The following IL1RAPL1 variants were observed in gnomAD, a reference collection of about 807,000 sequenced individuals.
The protein encoded by IL1RAPL1 is interleukin 1 receptor accessory protein like 1, also known as interleukin-1 receptor accessory protein-like 1.
In IL1RAPL1, 3 loss-of-function variants were observed where a neutral mutation model predicts 48.4. That is an observed-to-expected ratio of 0.06 (90% CI 0.03 to 0.16). The LOEUF (loss-of-function observed/expected upper bound fraction) is 0.16, where lower values mean the gene tolerates loss of function less well. IL1RAPL1 is among the 10% of genes least tolerant of loss of function. The pLI, the probability that IL1RAPL1 is intolerant of heterozygous loss-of-function variation, is 1.00. For synonymous variants in IL1RAPL1, 185 were observed against 187.7 expected (o/e 0.99, Z 0.12); for missense variants, 349 against 530.6 (o/e 0.66, Z 3.36).
At chrX:29,900,791 G>T (rs1207383226) in intron 6 of IL1RAPL1, among the ~76,000 whole-genome samples, 1 of 111,535 alleles carries the variant, frequency 9.0e-6, no homozygotes, top group Non-Finnish European at 1.9e-5. Flanking sequence ...CAAATTAGTG[G>T]GTATATGGCC....
intron 8 of IL1RAPL1, among the ~76,000 whole-genome samples, chrX:29,931,706 G>A (rs910711903): frequency 1.1e-4 from 12 of 112,044 alleles, no homozygotes; most frequent in Non-Finnish European, 2.3e-4. Context: ...GGTTATCTAG[G>A]CAGTCCAGAT....
At chrX:28,809,717 C>T (rs1458876122) in intron 2 of IL1RAPL1, among the ~76,000 whole-genome samples, 1 of 109,905 alleles carries the variant, frequency 9.1e-6, no homozygotes, top group Non-Finnish European at 1.9e-5. Flanking sequence ...GCATTTTATT[C>T]TCAGTGTAAT....
chrX:28,802,070 T>A (rs1248378055), intron 2 of IL1RAPL1, among the ~76,000 whole-genome samples: 1 of 112,097 alleles, frequency 8.9e-6, no homozygotes, highest in Non-Finnish European at 1.9e-5. Flanking sequence ...TTTAACTTTG[T>A]GCTATACAGT....
chrX:29,048,344 A>G (rs1009909089), intron 2 of IL1RAPL1, among the ~76,000 whole-genome samples: 1 of 111,893 alleles, frequency 8.9e-6, no homozygotes, highest in South Asian at 3.7e-4. Context: ...TTAGTGTTCT[A>G]TGCCAAAACT....
chrX:28,697,339 G>A (rs1439481770), intron 1 of IL1RAPL1, among the ~76,000 whole-genome samples: 1 of 110,139 alleles, frequency 9.1e-6, no homozygotes. Flanking sequence ...TTTTAATGAT[G>A]TTTTCCATAA....
chrX:29,378,327 A>G (rs73212187), intron 3 of IL1RAPL1, among the ~76,000 whole-genome samples: 7 of 112,188 alleles, frequency 6.2e-5, no homozygotes, highest in Non-Finnish European at 1.3e-4. Context: ...CCTGAATCTC[A>G]ATGAGCTTCC....
chrX:28,730,907 C>T (rs1935746980), intron 1 of IL1RAPL1, among the ~76,000 whole-genome samples: 1 of 111,589 alleles, frequency 9.0e-6, no homozygotes, highest in South Asian at 3.8e-4. Flanking sequence ...ATGAATGTGC[C>T]AGACTCTACG....
At chrX:28,893,517 G>T (rs757519017) in intron 2 of IL1RAPL1, among the ~76,000 whole-genome samples, 2 of 111,625 alleles carry the variant, frequency 1.8e-5, no homozygotes, top group South Asian at 3.8e-4. Flanking sequence ...TAACTATCCA[G>T]TGAAAGTGTC....
At chrX:28,764,729 T>C (rs1381591642) in intron 1 of IL1RAPL1, among the ~76,000 whole-genome samples, 3 of 111,375 alleles carry the variant, frequency 2.7e-5, no homozygotes, top group African/African-American at 6.5e-5. Flanking sequence ...CTTTTTTGCA[T>C]TGTATTTTAG....
At chrX:28,641,875 C>T (rs1006289595) in intron 1 of IL1RAPL1, among the ~76,000 whole-genome samples, 7 of 110,519 alleles carry the variant, frequency 6.3e-5, no homozygotes, top group Non-Finnish European at 9.5e-5. Flanking sequence ...TCTTCTTTTG[C>T]GAAGTGTCTG....
intron 1 of IL1RAPL1, among the ~76,000 whole-genome samples, chrX:28,606,356 T>A (rs1934082764): frequency 8.9e-6 from 1 of 112,310 alleles, no homozygotes; most frequent in African/African-American, 3.2e-5. Flanking sequence ...AAGTGTCTCA[T>A]GGCGTAAACA....
chrX:28,642,815 G>T (rs1934562660), intron 1 of IL1RAPL1, among the ~76,000 whole-genome samples: 1 of 110,681 alleles, frequency 9.0e-6, no homozygotes, highest in South Asian at 3.8e-4. Context: ...GATCAGAGGA[G>T]AACTGAAGGA....
chrX:29,549,544 C>T (rs1375538703), intron 5 of IL1RAPL1, among the ~76,000 whole-genome samples: 1 of 111,659 alleles, frequency 9.0e-6, no homozygotes, highest in Non-Finnish European at 1.9e-5. Context: ...ATATAGGCTT[C>T]AATACTGTCT....
intron 5 of IL1RAPL1, among the ~76,000 whole-genome samples, chrX:29,444,960 C>G (rs1042582747): frequency 8.9e-6 from 1 of 112,101 alleles, no homozygotes; most frequent in Non-Finnish European, 1.9e-5. Flanking sequence ...TCACCATGAA[C>G]ATTAATTGGG....
chrX:29,443,914 C>A (rs1399523391), intron 5 of IL1RAPL1, among the ~76,000 whole-genome samples: 1 of 112,089 alleles, frequency 8.9e-6, no homozygotes, highest in African/African-American at 3.2e-5. Context: ...TACAGAAGTA[C>A]CTTTTATGTC....
chrX:29,136,926 ACATAAGAGC>A (rs1352282347), intron 2 of IL1RAPL1, among the ~76,000 whole-genome samples: 1 of 111,489 alleles, frequency 9.0e-6, no homozygotes, highest in African/African-American at 3.3e-5. Flanking sequence ...ATGTACTTTC[ACATAAGAGC>A]CTGTCTTTTG....
chrX:29,050,859 A>G (rs752471799), intron 2 of IL1RAPL1, among the ~76,000 whole-genome samples: 1 of 112,412 alleles, frequency 8.9e-6, no homozygotes, highest in South Asian at 3.7e-4. Flanking sequence ...AAAGCAATCC[A>G]TGTACAAAGG....
intron 2 of IL1RAPL1, among the ~76,000 whole-genome samples, chrX:29,067,547 T>G (rs967356036): frequency 8.9e-6 from 1 of 112,233 alleles, no homozygotes; most frequent in Non-Finnish European, 1.9e-5. Context: ...TGAATGCAAA[T>G]AAGAACGTTT....
chrX:28,630,646 T>C (rs760723857), intron 1 of IL1RAPL1, among the ~76,000 whole-genome samples: 1 of 112,319 alleles, frequency 8.9e-6, no homozygotes, highest in Non-Finnish European at 1.9e-5. Context: ...CTGCAACTGA[T>C]ATTTTCTAGC....
Sources: gnomAD v4.1 joint callset for allele counts (sites outside exome capture counted in the v4.1 genomes callset) on GRCh38, gnomAD v4.1.1 for gene constraint, MANE v1.5 for transcripts, NCBI Gene and HGNC (gene_info 2026-07-23, HGNC 2026-07-21) for gene names.